Variants in KCNQ1OT1 observed in about 807,000 individuals in gnomAD.
KCNQ1OT1 encodes KCNQ1 antisense RNA 2 (non-protein coding).
exon 1 of KCNQ1OT1, chr11:2,656,002 T>A (rs1590010611): frequency 1.8e-5 from 7 of 398,608 alleles, no homozygotes; most frequent in African/African-American, 4.1e-5. Flanking sequence ...CATTTTAATT[T>A]CCTAAAACAC....
exon 1 of KCNQ1OT1, chr11:2,656,179 T>G (rs1849844982): frequency 2.5e-6 from 1 of 398,644 alleles, no homozygotes; most frequent in East Asian, 3.6e-5. Flanking sequence ...TGTTTTTTCT[T>G]TCTTCCTTCC....
exon 1 of KCNQ1OT1, chr11:2,692,630 C>T (rs1486984029): frequency 2.5e-6 from 1 of 398,702 alleles, no homozygotes; most frequent in Non-Finnish European, 4.4e-6. Context: ...GCTGTGCTCC[C>T]AGGCCTCAGC....
chr11:2,644,317 A>G (rs1849631375), exon 1 of KCNQ1OT1: 1 of 398,246 alleles, frequency 2.5e-6, no homozygotes, highest in Admixed American at 4.4e-5. Context: ...CAAAAGACTT[A>G]TCTTCAAGGT....
chr11:2,633,742 T>C (rs989928965), exon 1 of KCNQ1OT1: 5 of 398,466 alleles, frequency 1.3e-5, no homozygotes, highest in African/African-American at 4.1e-5. Flanking sequence ...TTTATGCCCA[T>C]TGCATGCTAA....
Position 2,674,081 on chromosome 11 carries a change from A to G in KCNQ1OT1, n.25914T>C. 1 of 398,554 alleles carries G rather than the reference A, an allele frequency of 2.5e-6. No individual in the cohort carries two copies. The highest frequency in any genetic ancestry group is 4.4e-6 in the Non-Finnish European group (1 of 226,110). 24.7% of individuals were successfully genotyped at this position (398,554 alleles called of 1,614,324 possible). On this transcript the variant is annotated non_coding_transcript_exon_variant, in exon 1 of 1. Transcript: ENST00000597346. This position sits in a 1 kb window ranked among gnomAD's most constrained non-coding sequence, Gnocchi z 5.9. ...TGGCTGCCCCATGGGGGCTTGGGCT[A>G]GGTCTCCCTGCCGGTGGGGAGGGAG...
Position 2,657,990 on chromosome 11 carries a change from G to GT in KCNQ1OT1, n.42004dup. On this transcript the variant is annotated non_coding_transcript_exon_variant, in exon 1 of 1. Transcript: ENST00000597346. The surrounding 1 kb of genome is among the most constrained non-coding windows in gnomAD (Gnocchi z 4.8). Reference sequence around the variant, plus strand: ...GTGGTGTCGGCCAGGCTCCTCCACTGTAAGTGAATAGCTGTTTTTCCCTTT... The same window carrying GT: ...GTGGTGTCGGCCAGGCTCCTCCACTGTTAAGTGAATAGCTGTTTTTCCCTTT... The GT allele has an allele frequency of 2.5e-6, 1 of 398,592 alleles. No individual in the cohort carries two copies. The highest frequency in any genetic ancestry group is 4.4e-6 in the Non-Finnish European group (1 of 226,056). The allele number at this position is 398,592 out of a possible 1,614,324, so 24.7% of individuals were successfully genotyped here.
At chr11:2,672,052 A>G (rs746651606) in exon 1 of KCNQ1OT1, 3 of 398,584 alleles carry the variant, frequency 7.5e-6, no homozygotes, top group Non-Finnish European at 1.3e-5. Context: ...ACTCAAGCCC[A>G]GTATCCTCCC....
exon 1 of KCNQ1OT1, chr11:2,629,199 C>A (rs1261542468): frequency 5.0e-6 from 2 of 398,120 alleles, no homozygotes; most frequent in Non-Finnish European, 8.9e-6. Flanking sequence ...GCTATTTCGG[C>A]AATATTTATT....
At chr11:2,629,494 G>C (rs1411884815) in exon 1 of KCNQ1OT1, 1 of 398,312 alleles carries the variant, frequency 2.5e-6, no homozygotes, top group Non-Finnish European at 4.4e-6. Context: ...TCCACTTTGA[G>C]TTAATTTTTG....
chr11:2,631,430 T>TA (rs2133816762), exon 1 of KCNQ1OT1: 1 of 398,610 alleles, frequency 2.5e-6, no homozygotes. Context: ...ATGTTTGTTT[T>TA]TTTTTTAGGA....
At chr11:2,667,872 C>A in exon 1 of KCNQ1OT1, 1 of 398,642 alleles carries the variant, frequency 2.5e-6, no homozygotes, top group Middle Eastern at 6.3e-4. Context: ...CAGATTAGTA[C>A]ACAGGTCTCA....
exon 1 of KCNQ1OT1, chr11:2,636,622 T>A (rs1313565940): frequency 1.3e-5 from 2 of 152,124 alleles, no homozygotes; most frequent in South Asian, 4.1e-4. Flanking sequence ...TCAATGTTCA[T>A]CAGGGATATT....
chr11:2,624,183 C>G lies in KCNQ1OT1; in HGVS notation n.75812G>C. On this transcript the variant is annotated non_coding_transcript_exon_variant, in exon 1 of 1. Transcript: ENST00000597346. The surrounding 1 kb of genome is among the most constrained non-coding windows in gnomAD (Gnocchi z 4.9). ...CCTAATGACGTAAGATGTGGGGCAT[C>G]TTTTCATATACTTAGTTGCCATCTG... 5.0e-6 allele frequency: 2 copies of G among 398,558 alleles called. No individual in the cohort carries two copies. The highest frequency in any genetic ancestry group is 8.8e-6 in the Non-Finnish European group (2 of 226,054). 24.7% of individuals were successfully genotyped at this position (398,558 alleles called of 1,614,324 possible).
Position 2,653,471 on chromosome 11 carries a change from G to A in KCNQ1OT1, n.46524C>T. 7.5e-6 allele frequency: 3 copies of A among 397,656 alleles called. No individual in the cohort carries two copies. The allele number at this position is 397,656 out of a possible 1,614,324, so 24.6% of individuals were successfully genotyped here. A position where few individuals can be genotyped will look rare whatever the true frequency, so the allele number is the denominator to read the frequency against. On this transcript the variant is annotated non_coding_transcript_exon_variant, in exon 1 of 1. Coordinates refer to ENST00000597346, the Ensembl canonical transcript of KCNQ1OT1. This position sits in a 1 kb window ranked among gnomAD's most constrained non-coding sequence, Gnocchi z 5.3. ...TTTTTGGCTCACACAGCTGGACCCA[G>A]CTGTTTCAGACACAGCTGGACCCCA... is the stretch of plus-strand genomic sequence containing the variant.
At chr11:2,693,673 C>A (rs1426363675) in exon 1 of KCNQ1OT1, 2 of 398,538 alleles carry the variant, frequency 5.0e-6, no homozygotes, top group Non-Finnish European at 8.8e-6. Context: ...GCAGACAGAG[C>A]AGCCAGAGAC....
chr11:2,617,711 C>T lies in KCNQ1OT1; in HGVS notation n.82284G>A. ...ACAAGAGTTCCCTAACCCTAGCCAA[C>T]ACTTAATAGCTATTCTCATGAGTGT... On this transcript the variant is annotated non_coding_transcript_exon_variant, in exon 1 of 1. Coordinates refer to ENST00000597346, the Ensembl canonical transcript of KCNQ1OT1. This position sits in a 1 kb window ranked among gnomAD's most constrained non-coding sequence, Gnocchi z 4.6. 2.5e-6 allele frequency: 1 copy of T among 398,454 alleles called. No homozygotes were observed. Among genetic ancestry groups the T allele is most frequent in the Non-Finnish European group, 4.4e-6 (1 of 225,954 alleles). The allele number at this position is 398,454 out of a possible 1,614,324, so 24.7% of individuals were successfully genotyped here. A position where few individuals can be genotyped will look rare whatever the true frequency, so the allele number is the denominator to read the frequency against.
chr11:2,621,484 C>T lies in KCNQ1OT1; in HGVS notation n.78511G>A. On this transcript the variant is annotated non_coding_transcript_exon_variant, in exon 1 of 1. Transcript: ENST00000597346. The surrounding 1 kb of genome is among the most constrained non-coding windows in gnomAD (Gnocchi z 5.7). ...GAATAGTTTGCAAATATTTTTTCTC[C>T]CATTCTATATGTTGTCTGTTTACTC... The T allele has an allele frequency of 2.5e-6, 1 of 398,386 alleles. No homozygotes were observed. Among genetic ancestry groups the T allele is most frequent in the African/African-American group, 2.1e-5 (1 of 48,658 alleles). 24.7% of individuals were successfully genotyped at this position (398,386 alleles called of 1,614,324 possible).
At chr11:2,686,041 C>T (rs2133886229) in exon 1 of KCNQ1OT1, 2 of 399,394 alleles carry the variant, frequency 5.0e-6, no homozygotes, top group Admixed American at 4.4e-5. Flanking sequence ...CCAGCTCGCA[C>T]CATCTGATGG....
chr11:2,668,357 G>A lies in KCNQ1OT1; in HGVS notation n.31638C>T, dbSNP rs995960678. ...GCTGCAGGGTCCTGGGTGGGCATAT[G>A]TTTACTCTTAGTGAATACTACCCAG... On this transcript the variant is annotated non_coding_transcript_exon_variant, in exon 1 of 1. Coordinates refer to ENST00000597346, the Ensembl canonical transcript of KCNQ1OT1. This position sits in a 1 kb window ranked among gnomAD's most constrained non-coding sequence, Gnocchi z 4.3. 8 of 398,438 alleles carry A rather than the reference G, an allele frequency of 2.0e-5. No individual in the cohort carries two copies. Among genetic ancestry groups the A allele is most frequent in the Non-Finnish European group, 3.5e-5 (8 of 226,066 alleles). 24.7% of individuals were successfully genotyped at this position (398,438 alleles called of 1,614,324 possible). A position where few individuals can be genotyped will look rare whatever the true frequency, so the allele number is the denominator to read the frequency against.
Sources: allele counts gnomAD v4.1 joint callset, GRCh38; gene constraint gnomAD v4.1.1; non-coding constraint Gnocchi (gnomAD v3.1); transcripts MANE v1.5; gene names NCBI Gene and HGNC (gene_info 2026-07-23, HGNC 2026-07-21).